Variants in KCNIP1 observed in about 807,000 individuals in gnomAD.
The protein encoded by KCNIP1 is potassium voltage-gated channel interacting protein 1.
A neutral mutation model predicts 33.0 loss-of-function variants in KCNIP1; 18 were observed. The ratio of observed to expected loss-of-function variants is 0.55; its 90% CI spans 0.38 to 0.81. The LOEUF (loss-of-function observed/expected upper bound fraction) is 0.81. Ranked by LOEUF, KCNIP1 falls within the 30% of genes least tolerant of loss-of-function variation. The pLI, the probability that KCNIP1 is intolerant of heterozygous loss-of-function variation, is 0.00. For synonymous variants in KCNIP1, 93 were observed against 98.3 expected, an observed-to-expected ratio of 0.95 and a Z score of 0.32; for missense variants, 238 against 271.6, an observed-to-expected ratio of 0.88 and a Z score of 0.87.
chr5:170,665,859 G>T (rs540401351), intron 1 of KCNIP1, among the ~76,000 whole-genome samples: 1 of 152,312 alleles, frequency 6.6e-6, no homozygotes, highest in South Asian at 2.1e-4. Flanking sequence ...TCTGATGATT[G>T]CACTGGGGTT....
chr5:170,597,950 C>A (rs2113574014), intron 1 of KCNIP1, among the ~76,000 whole-genome samples: 1 of 152,064 alleles, frequency 6.6e-6, no homozygotes, highest in South Asian at 2.1e-4. Context: ...AAAACTCTGT[C>A]CGGAATTGCT....
At chr5:170,667,933 G>A (rs1466785362) in intron 1 of KCNIP1, among the ~76,000 whole-genome samples, 1 of 152,200 alleles carries the variant, frequency 6.6e-6, no homozygotes, top group African/African-American at 2.4e-5. Flanking sequence ...ATTGGCTCAT[G>A]TAACTGAACT....
At chr5:170,503,385 C>T (rs1412803407), upstream of KCNIP1, among the ~76,000 whole-genome samples, 1 of 134,042 alleles carries the variant, frequency 7.5e-6, no homozygotes, top group African/African-American at 2.9e-5. Context: ...CAGAGCGAGA[C>T]TCCGTCTCAA....
chr5:170,488,453 C>A (rs933697292), intron 1 of KCNIP1, among the ~76,000 whole-genome samples: 7 of 152,208 alleles, frequency 4.6e-5, no homozygotes, highest in Non-Finnish European at 1.0e-4. Context: ...TCCATCATCA[C>A]TCTCTATGAA....
chr5:170,450,507 G>A (rs757757489), intron 1 of KCNIP1, among the ~76,000 whole-genome samples: 42 of 151,958 alleles, frequency 2.8e-4, no homozygotes, highest in Admixed American at 5.9e-4. Context: ...AAACCCTTCC[G>A]TGGCTCCCTA....
chr5:170,426,293 T>G (rs1268564878), intron 1 of KCNIP1, among the ~76,000 whole-genome samples: 1 of 133,776 alleles, frequency 7.5e-6, no homozygotes, highest in Non-Finnish European at 1.7e-5. Flanking sequence ...ACACAGTTTT[T>G]AATATTATCA....
intron 1 of KCNIP1, among the ~76,000 whole-genome samples, chr5:170,699,294 T>G (rs1285719606): frequency 6.6e-6 from 1 of 152,060 alleles, no homozygotes; most frequent in African/African-American, 2.4e-5. Context: ...AGAAGATGGG[T>G]ACATGATAGA....
rs1764378099 is a variant in KCNIP1, at chr5:170,736,078, G to A, written c.*272G>A. The A allele has an allele frequency of 4.2e-6, 2 of 479,792 alleles. No homozygotes were observed. Among genetic ancestry groups the A allele is most frequent in the South Asian group, 3.5e-5 (1 of 28,192 alleles). The allele number at this position is 479,792 out of a possible 1,614,324, so 29.7% of individuals were successfully genotyped here. ...AGCATGCTCATCTCCTCACACTGCT[G>A]CCCTATGGAAGGTCCCTCTGCTTAA... On this transcript the variant is annotated 3_prime_UTR_variant, in exon 8 of 8. Transcript: ENST00000328939.
chr5:170,404,623 G>A (rs1754989740), intron 1 of KCNIP1, among the ~76,000 whole-genome samples: 1 of 152,180 alleles, frequency 6.6e-6, no homozygotes, highest in African/African-American at 2.4e-5. Context: ...GTGACAAGAT[G>A]CAGAAGCAGT....
intron 1 of KCNIP1, among the ~76,000 whole-genome samples, chr5:170,614,340 A>G (rs1056435462): frequency 1.4e-4 from 21 of 152,196 alleles, no homozygotes; most frequent in Non-Finnish European, 2.1e-4. Context: ...ACTAGGGGCT[A>G]TAATTCATGC....
intron 1 of KCNIP1, among the ~76,000 whole-genome samples, chr5:170,418,069 C>T (rs1212074078): frequency 6.6e-6 from 1 of 152,222 alleles, no homozygotes; most frequent in Non-Finnish European, 1.5e-5. Flanking sequence ...TCCACCCCTC[C>T]TTTAATTTTT....
intron 1 of KCNIP1, among the ~76,000 whole-genome samples, chr5:170,424,977 C>A (rs947747137): frequency 6.6e-6 from 1 of 152,176 alleles, no homozygotes; most frequent in African/African-American, 2.4e-5. Flanking sequence ...CTGGAACCAT[C>A]CTCCTCAGAC....
chr5:170,540,642 G>T (rs755050365), intron 1 of KCNIP1, among the ~76,000 whole-genome samples: 1 of 152,170 alleles, frequency 6.6e-6, no homozygotes, highest in Admixed American at 6.5e-5. Flanking sequence ...AGGATGCACT[G>T]TGGCCCATGT....
chr5:170,496,032 C>T (rs1216002255), intron 1 of KCNIP1, among the ~76,000 whole-genome samples: 7 of 152,164 alleles, frequency 4.6e-5, no homozygotes, highest in Non-Finnish European at 8.8e-5. Flanking sequence ...GCATGCTCAT[C>T]GGCTCATCAC....
At chr5:170,733,758 C>A in intron 6 of KCNIP1, 78 bp from the exon 7 acceptor site, 1 of 1,216,054 alleles carries the variant, frequency 8.2e-7, no homozygotes. Context: ...ACTCTGAGCT[C>A]CAGCAAGAAA....
intron 1 of KCNIP1, among the ~76,000 whole-genome samples, chr5:170,517,251 A>G (rs1461329127): frequency 1.3e-5 from 2 of 152,152 alleles, no homozygotes; most frequent in African/African-American, 4.8e-5. Context: ...GGTGTGCTAC[A>G]TACTTTTAAA....
chr5:170,700,895 A>T (rs1429274263), intron 1 of KCNIP1, among the ~76,000 whole-genome samples: 1 of 152,206 alleles, frequency 6.6e-6, no homozygotes, highest in Non-Finnish European at 1.5e-5. Context: ...AGCACAAATG[A>T]CCACCCCAAT....
At chr5:170,379,007 G>A in intron 1 of KCNIP1, 1 of 1,601,644 alleles carries the variant, frequency 6.2e-7, no homozygotes, top group Non-Finnish European at 8.5e-7. Flanking sequence ...TGTGGGCTTG[G>A]AAATCCCCAT....
At chr5:170,509,131 C>T (rs1754831320) in intron 1 of KCNIP1, among the ~76,000 whole-genome samples, 1 of 152,216 alleles carries the variant, frequency 6.6e-6, no homozygotes. Context: ...CAGTTACCAG[C>T]CCTCTGCCAG....
Sources: allele counts gnomAD v4.1 joint callset (sites outside exome capture counted in the v4.1 genomes callset), GRCh38; gene constraint gnomAD v4.1.1; transcripts MANE v1.5; gene names NCBI Gene and HGNC (gene_info 2026-07-23, HGNC 2026-07-21).